The following LRRC4C variants were observed in gnomAD, a reference collection of about 807,000 sequenced individuals.
LRRC4C encodes the protein leucine rich repeat containing 4C.
A neutral mutation model predicts 33.6 loss-of-function variants in LRRC4C; 5 were observed. The observed-to-expected ratio is 0.15, with a 90% confidence interval of 0.08 to 0.31. The LOEUF (loss-of-function observed/expected upper bound fraction) is 0.31, where lower values mean the gene tolerates loss of function less well. Among genes scored for constraint, LRRC4C ranks in the 10% least tolerant of loss-of-function variants. LRRC4C has a pLI of 1.00. For synonymous variants in LRRC4C, 329 were observed against 302.0 expected (o/e 1.09, Z -0.93); for missense variants, 560 against 796.7 (o/e 0.70, Z 3.58).
At chr11:40,592,101 C>T (rs1462167448) in intron 3 of LRRC4C, among the ~76,000 whole-genome samples, 2 of 152,178 alleles carry the variant, frequency 1.3e-5, no homozygotes, top group Non-Finnish European at 2.9e-5. Context: ...AACAGCTTTG[C>T]TGGATGAAAG....
chr11:40,793,525 A>G (rs1950708564), intron 2 of LRRC4C, among the ~76,000 whole-genome samples: 1 of 152,212 alleles, frequency 6.6e-6, no homozygotes, highest in African/African-American at 2.4e-5. Context: ...CTTTGCATGT[A>G]TTAACTCATT....
At chr11:40,947,285 G>A (rs1958446752) in intron 1 of LRRC4C, among the ~76,000 whole-genome samples, 1 of 152,084 alleles carries the variant, frequency 6.6e-6, no homozygotes, top group Non-Finnish European at 1.5e-5. Context: ...ATATCTTCAC[G>A]ATAAAAATTG....
At chr11:40,218,544 A>T (rs1026325128) in intron 5 of LRRC4C, among the ~76,000 whole-genome samples, 1 of 152,098 alleles carries the variant, frequency 6.6e-6, no homozygotes, top group Non-Finnish European at 1.5e-5. Context: ...AGAGACCCAT[A>T]AGTTTCTAAA....
intron 2 of LRRC4C, among the ~76,000 whole-genome samples, chr11:40,832,259 T>C (rs1952451925): frequency 6.6e-6 from 1 of 152,094 alleles, no homozygotes; most frequent in Non-Finnish European, 1.5e-5. Context: ...CCTAATATAA[T>C]CTTATGGGAT....
At chr11:41,381,148 A>C (rs1181095883) in intron 1 of LRRC4C, among the ~76,000 whole-genome samples, 1 of 152,170 alleles carries the variant, frequency 6.6e-6, no homozygotes, top group Non-Finnish European at 1.5e-5. Flanking sequence ...CTTCTAACCT[A>C]GACCTTGAAA....
chr11:40,581,634 TG>T (rs1457586654), intron 3 of LRRC4C, among the ~76,000 whole-genome samples: 1 of 152,186 alleles, frequency 6.6e-6, no homozygotes. Flanking sequence ...CCGGGAGCGG[TG>T]GCTCATGCCT....
At chr11:40,168,767 G>A (rs1859807955) in intron 5 of LRRC4C, among the ~76,000 whole-genome samples, 1 of 152,168 alleles carries the variant, frequency 6.6e-6, no homozygotes, top group Admixed American at 6.5e-5. Flanking sequence ...GAAAGTAACA[G>A]GAAATCCTTT....
chr11:40,754,241 C>T (rs1284010386), intron 2 of LRRC4C, among the ~76,000 whole-genome samples: 2 of 152,054 alleles, frequency 1.3e-5, no homozygotes, highest in African/African-American at 2.4e-5. Context: ...GACTCTAATA[C>T]TTTAATGGAG....
At chr11:41,370,714 T>A (rs1952715410) in intron 1 of LRRC4C, among the ~76,000 whole-genome samples, 1 of 152,126 alleles carries the variant, frequency 6.6e-6, no homozygotes, top group Non-Finnish European at 1.5e-5. Context: ...AGCTAATTTT[T>A]AAAATTTTTT....
chr11:40,285,754 A>G (rs1943792203), intron 4 of LRRC4C, among the ~76,000 whole-genome samples: 1 of 152,208 alleles, frequency 6.6e-6, no homozygotes. Flanking sequence ...TCTCAAGCCC[A>G]GTGAAAACAT....
chr11:41,313,436 C>G (rs1414138880), intron 1 of LRRC4C, among the ~76,000 whole-genome samples: 1 of 152,046 alleles, frequency 6.6e-6, no homozygotes, highest in Admixed American at 6.6e-5. Context: ...TTTCGTTTAC[C>G]CTTATTACTG....
At chr11:41,325,176 A>C (rs1951071714) in intron 1 of LRRC4C, among the ~76,000 whole-genome samples, 1 of 152,164 alleles carries the variant, frequency 6.6e-6, no homozygotes, top group Non-Finnish European at 1.5e-5. Context: ...TTTTTTAAAA[A>C]CTGGGTAAAA....
intron 2 of LRRC4C, among the ~76,000 whole-genome samples, chr11:40,909,343 T>C (rs796488888): frequency 3.3e-5 from 5 of 152,238 alleles, no homozygotes; most frequent in African/African-American, 1.2e-4. Context: ...CAATGGACAA[T>C]ATTTGAAGTC....
intron 1 of LRRC4C, among the ~76,000 whole-genome samples, chr11:41,117,071 C>T (rs905795018): frequency 6.6e-6 from 1 of 152,056 alleles, no homozygotes; most frequent in Non-Finnish European, 1.5e-5. Flanking sequence ...ACACTGGCAG[C>T]CCAGTGTTAG....
At chr11:40,488,856 TTC>T (rs572036352) in intron 3 of LRRC4C, among the ~76,000 whole-genome samples, 31 of 152,246 alleles carry the variant, frequency 2.0e-4, no homozygotes, top group Admixed American at 5.9e-4. Flanking sequence ...CTACTTTAAC[TTC>T]TGTTTTTAAT....
chr11:40,903,202 A>G (rs1460241965), intron 2 of LRRC4C, among the ~76,000 whole-genome samples: 3 of 152,208 alleles, frequency 2.0e-5, no homozygotes, highest in Non-Finnish European at 4.4e-5. Context: ...ATGATGCTAA[A>G]TCTACTCCAC....
At chr11:41,439,487 C>T (rs2138511581) in intron 1 of LRRC4C, among the ~76,000 whole-genome samples, 1 of 152,226 alleles carries the variant, frequency 6.6e-6, no homozygotes, top group South Asian at 2.1e-4. Flanking sequence ...TTTACATTCC[C>T]ACCAATTTGT....
At chr11:41,279,428 A>ACCCCCCCCC (rs1555134481) in intron 1 of LRRC4C, among the ~76,000 whole-genome samples, 100 of 140,866 alleles carry the variant, frequency 7.1e-4, no homozygotes, top group African/African-American at 2.6e-3. Flanking sequence ...ACACACACAC[A>ACCCCCCCCC]CCGTGGCAAT....
intron 2 of LRRC4C, among the ~76,000 whole-genome samples, chr11:40,792,484 A>G (rs1291171560): frequency 1.3e-5 from 2 of 152,140 alleles, no homozygotes; most frequent in East Asian, 3.9e-4. Context: ...AAGTCAGGAA[A>G]CAACAGGTGT....
Sources: allele counts gnomAD v4.1 joint callset (sites outside exome capture counted in the v4.1 genomes callset), GRCh38; gene constraint gnomAD v4.1.1; transcripts MANE v1.5; gene names NCBI Gene and HGNC (gene_info 2026-07-23, HGNC 2026-07-21).